CNTNAP5: variants seen among roughly 807,000 people sequenced by gnomAD.
The protein encoded by CNTNAP5 is contactin associated protein family member 5, also known as contactin-associated protein-like 5.
Under a neutral mutation model 150.2 loss-of-function variants are expected in CNTNAP5, and 72 were observed. That is an observed-to-expected ratio of 0.48 (90% CI 0.40 to 0.58). CNTNAP5 has a LOEUF of 0.58. CNTNAP5 is among the 20% of genes least tolerant of loss of function. CNTNAP5 has a pLI of 0.00. For synonymous variants in CNTNAP5, 672 were observed against 619.8 expected (o/e 1.08, Z -1.25); for missense variants, 1,636 against 1,626.2 (o/e 1.01, Z -0.10).
intron 3 of CNTNAP5, among the ~76,000 whole-genome samples, chr2:124,404,744 T>A (rs1211516964): frequency 6.6e-6 from 1 of 152,126 alleles, no homozygotes; most frequent in Non-Finnish European, 1.5e-5. Flanking sequence ...CCAAATATGG[T>A]GGAGAGTTCT....
intron 12 of CNTNAP5, among the ~76,000 whole-genome samples, chr2:124,612,773 C>G (rs1677413334): frequency 6.6e-6 from 1 of 152,112 alleles, no homozygotes; most frequent in Non-Finnish European, 1.5e-5. Flanking sequence ...TAAAAGCAGA[C>G]CAGGCATAGT....
chr2:124,407,624 T>C (rs1034145538), intron 3 of CNTNAP5, among the ~76,000 whole-genome samples: 2 of 152,222 alleles, frequency 1.3e-5, no homozygotes, highest in South Asian at 4.1e-4. Flanking sequence ...AGCAGTAAAC[T>C]ATTTTCAGGG....
chr2:124,706,898 AAGAAGG>A (rs1558743221), intron 13 of CNTNAP5, among the ~76,000 whole-genome samples: 2 of 19,370 alleles, frequency 1.0e-4, no homozygotes, highest in African/African-American at 4.9e-4. Flanking sequence ...GAAGAGGAAG[AAGAAGG>A]AGGAGGAGGA....
chr2:124,819,976 A>G (rs752524705), intron 19 of CNTNAP5, among the ~76,000 whole-genome samples: 6 of 152,158 alleles, frequency 3.9e-5, no homozygotes, highest in Non-Finnish European at 7.4e-5. Context: ...TTGCATATCA[A>G]CTTAAGGCTC....
At chr2:124,911,966 A>G (rs1678665380) in intron 23 of CNTNAP5, among the ~76,000 whole-genome samples, 3 of 152,222 alleles carry the variant, frequency 2.0e-5, no homozygotes, top group Admixed American at 2.0e-4. Flanking sequence ...GATTTGGGTT[A>G]GGTCTAATGA....
At chr2:124,107,251 G>A (rs1268014903) in intron 1 of CNTNAP5, among the ~76,000 whole-genome samples, 8 of 152,180 alleles carry the variant, frequency 5.3e-5, no homozygotes, top group Admixed American at 5.2e-4. Context: ...TGAGAACAAT[G>A]AGGGCTATTG....
At chr2:124,602,041 A>C (rs1419916535) in intron 11 of CNTNAP5, among the ~76,000 whole-genome samples, 1 of 152,178 alleles carries the variant, frequency 6.6e-6, no homozygotes, top group Non-Finnish European at 1.5e-5. Flanking sequence ...CACATTTTCA[A>C]ACATATGAAA....
chr2:124,212,007 T>C (rs945842493), intron 1 of CNTNAP5, among the ~76,000 whole-genome samples: 19 of 152,178 alleles, frequency 1.2e-4, no homozygotes, highest in African/African-American at 4.6e-4. Flanking sequence ...AGATATCTAG[T>C]GAGAAAGACA....
intron 19 of CNTNAP5, among the ~76,000 whole-genome samples, chr2:124,816,163 A>AT (rs1203507140): frequency 6.6e-6 from 1 of 152,216 alleles, no homozygotes; most frequent in African/African-American, 2.4e-5. Context: ...ACTTCTACAA[A>AT]TGTGCTGGAT....
intron 1 of CNTNAP5, among the ~76,000 whole-genome samples, chr2:124,147,813 C>T (rs1465460716): frequency 6.6e-6 from 1 of 152,190 alleles, no homozygotes; most frequent in African/African-American, 2.4e-5. Context: ...CAGTGTTCCT[C>T]TTCTCCAAGA....
chr2:124,540,227 T>C (rs1261218235), intron 10 of CNTNAP5, among the ~76,000 whole-genome samples: 2 of 152,194 alleles, frequency 1.3e-5, no homozygotes, highest in Non-Finnish European at 2.9e-5. Context: ...AATAATTAGG[T>C]AGGGGGCTAT....
At chr2:124,291,246 A>G (rs1009173629) in intron 3 of CNTNAP5, among the ~76,000 whole-genome samples, 3 of 152,116 alleles carry the variant, frequency 2.0e-5, no homozygotes, top group African/African-American at 7.2e-5. Flanking sequence ...ACCTACAACC[A>G]TTTTAAATTA....
chr2:124,283,868 G>A (rs1375281229), intron 3 of CNTNAP5, among the ~76,000 whole-genome samples: 1 of 152,142 alleles, frequency 6.6e-6, no homozygotes, highest in African/African-American at 2.4e-5. Context: ...TCTCATTTAT[G>A]AGAGCCTCAC....
At chr2:124,824,207 C>G (rs1012447052) in intron 19 of CNTNAP5, among the ~76,000 whole-genome samples, 4 of 151,992 alleles carry the variant, frequency 2.6e-5, no homozygotes, top group Admixed American at 6.6e-5. Context: ...CATGAGCTAC[C>G]ATGCCTGGCC....
At chr2:124,125,851 T>C (rs1468290141) in intron 1 of CNTNAP5, among the ~76,000 whole-genome samples, 1 of 152,210 alleles carries the variant, frequency 6.6e-6, no homozygotes, top group African/African-American at 2.4e-5. Context: ...AACAAAGATG[T>C]TCTTTGAAAC....
chr2:124,605,797 G>A (rs1353921696), intron 11 of CNTNAP5, among the ~76,000 whole-genome samples: 2 of 89,212 alleles, frequency 2.2e-5, no homozygotes, highest in African/African-American at 9.5e-5. Flanking sequence ...GGGTGACCGA[G>A]CAAGACTCTG....
chr2:124,790,302 G>T (rs1245112275), intron 18 of CNTNAP5, among the ~76,000 whole-genome samples, 161 bp downstream of exon 18: 3 of 152,136 alleles, frequency 2.0e-5, no homozygotes, highest in African/African-American at 7.2e-5. Context: ...TATACTTATT[G>T]GTATTACATG....
intron 6 of CNTNAP5, among the ~76,000 whole-genome samples, chr2:124,448,675 C>T (rs1228032898): frequency 6.6e-6 from 1 of 151,994 alleles, no homozygotes; most frequent in African/African-American, 2.4e-5. Context: ...TGAGTTAAGA[C>T]TAATTTTTAC....
At chr2:124,059,610 C>CTT (rs66485728) in intron 1 of CNTNAP5, among the ~76,000 whole-genome samples, 2 of 150,890 alleles carry the variant, frequency 1.3e-5, no homozygotes. Flanking sequence ...ACTGCATTTT[C>CTT]TTTTTTTTTT....
Sources: allele counts gnomAD v4.1 joint callset (sites outside exome capture counted in the v4.1 genomes callset), GRCh38; gene constraint gnomAD v4.1.1; transcripts MANE v1.5; gene names NCBI Gene and HGNC (gene_info 2026-07-23, HGNC 2026-07-21).